CDH20: variants seen among roughly 807,000 people sequenced by gnomAD.
CDH20 encodes the protein cadherin 20.
In CDH20, 29 loss-of-function variants were observed where a neutral mutation model predicts 74.2. The observed-to-expected ratio is 0.39, with a 90% CI of 0.29 to 0.53. The LOEUF is 0.53. CDH20 is among the 20% of genes least tolerant of loss of function. CDH20 has a pLI of 0.69. For missense variants in CDH20, 988 were observed against 1,048.3 expected, an observed-to-expected ratio of 0.94 and a Z score of 0.79; for synonymous variants, 469 against 405.4, an observed-to-expected ratio of 1.16 and a Z score of -1.88.
chr18:61,368,555 AAAC>A (rs1910932738), intron 1 of CDH20, among the ~76,000 whole-genome samples: 1 of 152,092 alleles, frequency 6.6e-6, no homozygotes, highest in African/African-American at 2.4e-5. Flanking sequence ...AAGAGATTAA[AAAC>A]AAAAATTTTT....
At chr18:61,339,596 T>C (rs891800186) in intron 1 of CDH20, among the ~76,000 whole-genome samples, 12 of 152,158 alleles carry the variant, frequency 7.9e-5, no homozygotes, top group Admixed American at 5.2e-4. Flanking sequence ...TAACTGCATG[T>C]CCTCTGTTAT....
intron 1 of CDH20, among the ~76,000 whole-genome samples, chr18:61,380,230 T>G (rs1190152319): frequency 2.6e-5 from 4 of 152,070 alleles, no homozygotes; most frequent in Non-Finnish European, 2.9e-5. Flanking sequence ...TTGCAAAAAC[T>G]AAAGTGAAAT....
chr18:61,374,054 G>A (rs772522765), intron 1 of CDH20, among the ~76,000 whole-genome samples: 11 of 152,028 alleles, frequency 7.2e-5, no homozygotes, highest in Non-Finnish European at 1.5e-4. Context: ...TCTCATGATC[G>A]TATCTAAATC....
chr18:61,530,895 T>G (rs1254408583), intron 7 of CDH20, among the ~76,000 whole-genome samples: 1 of 152,200 alleles, frequency 6.6e-6, no homozygotes, highest in African/African-American at 2.4e-5. Context: ...TCAGAGGATG[T>G]CCTCAGCTAA....
intron 1 of CDH20, among the ~76,000 whole-genome samples, chr18:61,356,969 G>A (rs1253465006): frequency 6.6e-6 from 1 of 152,172 alleles, no homozygotes; most frequent in East Asian, 1.9e-4. Context: ...TCTCAGACAT[G>A]TAGAAACTAG....
intron 2 of CDH20, among the ~76,000 whole-genome samples, chr18:61,498,191 GGAGTTCAA>G (rs1568164812): frequency 6.6e-6 from 1 of 152,078 alleles, no homozygotes; most frequent in Non-Finnish European, 1.5e-5. Context: ...CCTGAGGTCA[GGAGTTCAA>G]GACCAGCCTG....
At chr18:61,553,873 T>C (rs1913522867) in intron 11 of CDH20, among the ~76,000 whole-genome samples, 1 of 152,162 alleles carries the variant, frequency 6.6e-6, no homozygotes, top group Non-Finnish European at 1.5e-5. Flanking sequence ...GCTTTGTTAG[T>C]GGGATTTTAA....
intron 1 of CDH20, among the ~76,000 whole-genome samples, chr18:61,411,055 C>T (rs1292426550): frequency 6.6e-6 from 1 of 151,944 alleles, no homozygotes; most frequent in East Asian, 1.9e-4. Flanking sequence ...AAAAAATTAG[C>T]AGGGCGTGGT....
chr18:61,339,843 A>T (rs1193985516), intron 1 of CDH20, among the ~76,000 whole-genome samples: 1 of 151,818 alleles, frequency 6.6e-6, no homozygotes, highest in African/African-American at 2.4e-5. Flanking sequence ...GCCCGCCACC[A>T]TGCCCAGCTA....
At chr18:61,542,082 C>T (rs151226897) in intron 9 of CDH20, among the ~76,000 whole-genome samples, 6 of 152,306 alleles carry the variant, frequency 3.9e-5, no homozygotes, top group African/African-American at 7.2e-5. Flanking sequence ...TATTCTGAAA[C>T]GACTTTCCCA....
In CDH20 at chr18:61,490,778, C is replaced by T. The variant is rs1446101100; in HGVS notation, c.225C>T (p.Thr75=). ...TCGTTCTGGAAGAGTACACTGGGAC[C>T]GACCCTTTGTATGTCGGCAAGGTAA... ...QFFVLEEYTG[T]DPLYVGKLHS... Residue 75 remains threonine, a synonymous_variant, in exon 2 of 12, where the codon ACC becomes ACT. Coordinates refer to ENST00000262717, the MANE Select transcript of CDH20 (RefSeq NM_031891.4). 3.7e-6 allele frequency: 6 copies of T among 1,613,950 alleles called. No homozygotes were observed. Among genetic ancestry groups the T allele is most frequent in the African/African-American group, 2.7e-5 (2 of 74,894 alleles).
At chr18:61,355,209 G>A (rs1910458718) in intron 1 of CDH20, among the ~76,000 whole-genome samples, 1 of 152,156 alleles carries the variant, frequency 6.6e-6, no homozygotes, top group Admixed American at 6.5e-5. Flanking sequence ...TTTTGCTTAA[G>A]TTCAAATTAT....
At chr18:61,400,262 C>T (rs1013142335) in intron 1 of CDH20, among the ~76,000 whole-genome samples, 2 of 152,132 alleles carry the variant, frequency 1.3e-5, no homozygotes, top group Admixed American at 1.3e-4. Flanking sequence ...AAAGGAGGTC[C>T]ATGGGGCCTC....
At chr18:61,443,284 G>T (rs1469027541) in intron 1 of CDH20, among the ~76,000 whole-genome samples, 1 of 152,060 alleles carries the variant, frequency 6.6e-6, no homozygotes, top group Non-Finnish European at 1.5e-5. Flanking sequence ...GTTCTTTAAA[G>T]GTACAGGCCC....
At chr18:61,380,603 A>G (rs1434847506) in intron 1 of CDH20, among the ~76,000 whole-genome samples, 1 of 152,190 alleles carries the variant, frequency 6.6e-6, no homozygotes, top group African/African-American at 2.4e-5. Flanking sequence ...TGAGGTTAGG[A>G]GTTCTATACC....
At chr18:61,474,504 T>C (rs1052019066) in intron 1 of CDH20, among the ~76,000 whole-genome samples, 3 of 152,122 alleles carry the variant, frequency 2.0e-5, no homozygotes, top group African/African-American at 7.2e-5. Context: ...TCTCAGAAAC[T>C]GACAACTTCT....
intron 10 of CDH20, among the ~76,000 whole-genome samples, chr18:61,546,705 T>C (rs1913263568): frequency 6.6e-6 from 1 of 152,226 alleles, no homozygotes; most frequent in African/African-American, 2.4e-5. Flanking sequence ...TAAAGAGGAC[T>C]TTGGGCACCA....
At chr18:61,363,892 C>G (rs1231574406) in intron 1 of CDH20, among the ~76,000 whole-genome samples, 2 of 152,142 alleles carry the variant, frequency 1.3e-5, no homozygotes, top group Middle Eastern at 6.8e-3. Context: ...GATCCTCCCC[C>G]GGGTGAATTT....
At chr18:61,418,648 G>A (rs1333540554) in intron 1 of CDH20, among the ~76,000 whole-genome samples, 4 of 146,844 alleles carry the variant, frequency 2.7e-5, no homozygotes, top group African/African-American at 1.0e-4. Flanking sequence ...CAATAATAAA[G>A]CAATTTAACA....
Sources: allele counts gnomAD v4.1 joint callset (sites outside exome capture counted in the v4.1 genomes callset), GRCh38; gene constraint gnomAD v4.1.1; transcripts MANE v1.5; gene names NCBI Gene and HGNC (gene_info 2026-07-23, HGNC 2026-07-21).